AEBP2: variants seen among roughly 807,000 people sequenced by gnomAD.
AEBP2 encodes the protein AE binding protein 2.
A neutral mutation model predicts 50.8 loss-of-function variants in AEBP2; 10 were observed. The ratio of observed to expected loss-of-function variants is 0.20; its 90% CI spans 0.12 to 0.33. AEBP2 has a LOEUF of 0.33. Among genes scored for constraint, AEBP2 ranks in the 10% least tolerant of loss-of-function variants. The pLI is 1.00. For missense variants in AEBP2, 570 were observed against 688.0 expected (o/e 0.83, Z 1.92); for synonymous variants, 296 against 261.3 (o/e 1.13, Z -1.28).
At chr12:19,445,705 AGTCTG>A (rs1948050090) in intron 1 of AEBP2, among the ~76,000 whole-genome samples, 1 of 152,242 alleles carries the variant, frequency 6.6e-6, no homozygotes, top group East Asian at 1.9e-4. Flanking sequence ...GTATGACAAG[AGTCTG>A]CAAATGAGTG....
At chr12:19,497,304 T>G (rs752978343) in intron 4 of AEBP2, among the ~76,000 whole-genome samples, 5 of 150,290 alleles carry the variant, frequency 3.3e-5, no homozygotes, top group Non-Finnish European at 5.9e-5. Flanking sequence ...GAAAATAGTT[T>G]CTATTTTTGT....
At chr12:19,447,102 A>G (rs1028949188) in intron 1 of AEBP2, among the ~76,000 whole-genome samples, 1 of 152,180 alleles carries the variant, frequency 6.6e-6, no homozygotes, top group East Asian at 1.9e-4. Flanking sequence ...TGTTCAGGAG[A>G]CTTCCTGCCA....
intron 3 of AEBP2, among the ~76,000 whole-genome samples, chr12:19,487,623 C>A (rs1169816808): frequency 6.6e-6 from 1 of 151,914 alleles, no homozygotes; most frequent in Non-Finnish European, 1.5e-5. Context: ...GAGGCTGAGG[C>A]AGGAGAATCC....
chr12:19,471,830 G>C (rs1948578296), intron 2 of AEBP2, among the ~76,000 whole-genome samples: 1 of 152,070 alleles, frequency 6.6e-6, no homozygotes, highest in Admixed American at 6.6e-5. Context: ...CACATCGGGT[G>C]CATATAAGTA....
At chr12:19,459,708 GT>G (rs1948338563) in intron 1 of AEBP2, among the ~76,000 whole-genome samples, 1 of 152,154 alleles carries the variant, frequency 6.6e-6, no homozygotes, top group African/African-American at 2.4e-5. Flanking sequence ...AAGCCTTAGA[GT>G]TGCACTTTAG....
intron 3 of AEBP2, among the ~76,000 whole-genome samples, chr12:19,478,401 G>T (rs536632445): frequency 2.9e-4 from 44 of 152,134 alleles, no homozygotes; most frequent in Non-Finnish European, 5.0e-4. Flanking sequence ...GTTCAAGTGA[G>T]TCTCCTGTCT....
upstream of AEBP2, among the ~76,000 whole-genome samples, chr12:19,436,075 C>T (rs1947859316): frequency 6.6e-6 from 1 of 152,124 alleles, no homozygotes; most frequent in South Asian, 2.1e-4. Context: ...TCACAAACTC[C>T]TTGCTGGTAA....
At chr12:19,406,224 C>A (rs796067030) in intron 1 of AEBP2, among the ~76,000 whole-genome samples, 24 of 152,152 alleles carry the variant, frequency 1.6e-4, no homozygotes, top group African/African-American at 5.8e-4. Context: ...CTAGGGCTCC[C>A]AAAGTGCTGG....
At chr12:19,427,017 C>A (rs2095748881) in intron 1 of AEBP2, among the ~76,000 whole-genome samples, 1 of 152,164 alleles carries the variant, frequency 6.6e-6, no homozygotes, top group Admixed American at 6.6e-5. Flanking sequence ...TGTGGGCAAG[C>A]ATTATCCAAT....
At chr12:19,437,825 T>C (rs1249295403), upstream of AEBP2, among the ~76,000 whole-genome samples, 1 of 152,218 alleles carries the variant, frequency 6.6e-6, no homozygotes, top group East Asian at 1.9e-4. Flanking sequence ...ACATTTTATA[T>C]AACAGTTGTC....
chr12:19,416,867 T>G (rs1592704048), intron 1 of AEBP2, among the ~76,000 whole-genome samples: 1 of 70,636 alleles, frequency 1.4e-5, no homozygotes, highest in Non-Finnish European at 2.7e-5. Flanking sequence ...TTTCTGTTCT[T>G]TTCTTTTTTC....
intron 1 of AEBP2, 117 bp downstream of exon 1, chr12:19,440,487 T>C (rs1947933928): frequency 7.2e-7 from 1 of 1,381,682 alleles, no homozygotes; most frequent in Admixed American, 3.0e-5. Flanking sequence ...CCTCGGCCCC[T>C]CCCCCAGACT....
chr12:19,404,147 T>A (rs1372618028), exon 1 of AEBP2: 1 of 152,242 alleles, frequency 6.6e-6, no homozygotes, highest in African/African-American at 2.4e-5. Context: ...CAGATCTCAC[T>A]TGGGAGCTTC....
intron 1 of AEBP2, among the ~76,000 whole-genome samples, chr12:19,414,816 A>T (rs947465684): frequency 5.3e-5 from 8 of 151,516 alleles, no homozygotes; most frequent in African/African-American, 1.9e-4. Context: ...CCAGCTACTC[A>T]GGAGGCTGAG....
intron 2 of AEBP2, among the ~76,000 whole-genome samples, chr12:19,470,701 C>G (rs562631130): frequency 1.3e-5 from 2 of 152,088 alleles, no homozygotes; most frequent in Non-Finnish European, 2.9e-5. Context: ...CATGTTTGCT[C>G]ATAGGAAAAA....
rs931513733 is a variant in AEBP2, at chr12:19,440,480, C to T, written c.671+110C>T. 12 of 1,405,582 alleles carry T rather than the reference C, an allele frequency of 8.5e-6. No homozygotes were observed. The Admixed American group carries it at 1.2e-4, about 14-fold the overall frequency. The allele number at this position is 1,405,582 out of a possible 1,614,324, so 87.1% of individuals were successfully genotyped here. On this transcript the variant is annotated intron_variant, in intron 1 of 7. Coordinates refer to ENST00000266508, the MANE Select transcript of AEBP2 (RefSeq NM_153207.5). ...GCGATCCCCCTGCTCCCCGAATCCTCGGCCCCTCCCCCAGACTCTCAACTC... is the reference window on the plus strand; with the variant it reads ...GCGATCCCCCTGCTCCCCGAATCCTTGGCCCCTCCCCCAGACTCTCAACTC...
intron 1 of AEBP2, among the ~76,000 whole-genome samples, chr12:19,422,788 G>C: frequency 6.6e-6 from 1 of 152,074 alleles, no homozygotes; most frequent in Non-Finnish European, 1.5e-5. Context: ...CCCAGGCCGG[G>C]CATGGTGGCT....
chr12:19,474,956 C>A (rs998126224), intron 3 of AEBP2, among the ~76,000 whole-genome samples: 1 of 152,026 alleles, frequency 6.6e-6, no homozygotes, highest in Non-Finnish European at 1.5e-5. Flanking sequence ...TCACGCCTGG[C>A]GAATTTTTAT....
intron 1 of AEBP2, chr12:19,457,418 C>T: frequency 1.3e-6 from 2 of 1,496,802 alleles, no homozygotes; most frequent in South Asian, 1.2e-5. Flanking sequence ...CAAATTTCCA[C>T]AAGGAGGTAT....
Sources: allele counts gnomAD v4.1 joint callset (sites outside exome capture counted in the v4.1 genomes callset), GRCh38; gene constraint gnomAD v4.1.1; transcripts MANE v1.5; gene names NCBI Gene and HGNC (gene_info 2026-07-23, HGNC 2026-07-21).